Variants in TYW1B observed in about 807,000 individuals in gnomAD.
TYW1B encodes tRNA-yW synthesizing protein 1 homolog B, also known as S-adenosyl-L-methionine-dependent tRNA 4-demethylwyosine synthase TYW1B.
Under a neutral mutation model 86.9 loss-of-function variants are expected in TYW1B, and 73 were observed. That is an observed-to-expected ratio of 0.84 (90% CI 0.70 to 1.02). TYW1B has a LOEUF of 1.02. Among genes scored for constraint, TYW1B ranks in the 50% least tolerant of loss-of-function variants. The pLI is 0.00. For synonymous variants in TYW1B, 248 were observed against 292.8 expected (o/e 0.85, Z 1.56); for missense variants, 637 against 827.4 (o/e 0.77, Z 2.82).
At chr7:72,719,824 C>T (rs1402296191) in intron 9 of TYW1B, among the ~76,000 whole-genome samples, 2 of 152,000 alleles carry the variant, frequency 1.3e-5, no homozygotes, top group African/African-American at 2.4e-5. Context: ...AGGGCAAAGA[C>T]GGAAGAGCAT....
chr7:72,588,410 C>T (rs1435658058), intron 13 of TYW1B, among the ~76,000 whole-genome samples: 1 of 152,122 alleles, frequency 6.6e-6, no homozygotes, highest in Non-Finnish European at 1.5e-5. Flanking sequence ...CCACATGTAC[C>T]ACAGTCACTA....
chr7:72,700,923 C>T (rs1814450987), intron 10 of TYW1B, among the ~76,000 whole-genome samples: 1 of 151,972 alleles, frequency 6.6e-6, no homozygotes, highest in South Asian at 2.1e-4. Flanking sequence ...AAAAATTAGC[C>T]AGGAGTGCCA....
chr7:72,774,155 T>C (rs568326189), intron 7 of TYW1B, among the ~76,000 whole-genome samples: 38 of 148,942 alleles, frequency 2.6e-4, no homozygotes, highest in Non-Finnish European at 4.2e-4. Flanking sequence ...GGACTGGGGG[T>C]AATGCCTGAT....
chr7:72,711,042 C>G (rs1402998721), intron 10 of TYW1B, among the ~76,000 whole-genome samples: 1 of 152,084 alleles, frequency 6.6e-6, no homozygotes, highest in African/African-American at 2.4e-5. Flanking sequence ...CAGCCAGAAA[C>G]AGCAGACAGT....
In TYW1B at chr7:72,782,614, C is replaced by T. The variant is rs12533823; in HGVS notation, c.847-5081G>A. 6.7e-3 allele frequency among the ~76,000 whole-genome samples: 1,026 copies of T among 152,204 alleles called. 6 individuals are homozygous for T. Among genetic ancestry groups the T allele is most frequent in the Middle Eastern group, 0.014 (4 of 294 alleles). On this transcript the variant is annotated intron_variant, in intron 6 of 13. Transcript: ENST00000620995. Reference sequence around the variant, plus strand: ...TGACTAGGCCAGTTGTGGTGGCTCACGTCTGTAATCCTAGCACTTTGGGAG... The same window carrying T: ...TGACTAGGCCAGTTGTGGTGGCTCATGTCTGTAATCCTAGCACTTTGGGAG...
At chr7:72,693,681 T>C (rs1814230970) in intron 11 of TYW1B, among the ~76,000 whole-genome samples, 1 of 152,002 alleles carries the variant, frequency 6.6e-6, no homozygotes, top group South Asian at 2.1e-4. Context: ...AGGTGTGAGC[T>C]ACCACACCTG....
At chr7:72,585,373 C>T (rs1811249162) in intron 13 of TYW1B, among the ~76,000 whole-genome samples, 1 of 152,192 alleles carries the variant, frequency 6.6e-6, no homozygotes, top group South Asian at 2.1e-4. Context: ...ATCCCACAAG[C>T]TATTTATTAG....
intron 13 of TYW1B, among the ~76,000 whole-genome samples, chr7:72,598,449 A>G (rs1180957364): frequency 6.6e-6 from 1 of 152,196 alleles, no homozygotes; most frequent in African/African-American, 2.4e-5. Context: ...ATATTACACA[A>G]CAAAATCCAA....
At chr7:72,773,092 A>G (rs1436753947) in intron 7 of TYW1B, among the ~76,000 whole-genome samples, 4 of 152,186 alleles carry the variant, frequency 2.6e-5, no homozygotes, top group African/African-American at 9.6e-5. Flanking sequence ...TACTGTTCAT[A>G]CTATCATAGA....
intron 9 of TYW1B, among the ~76,000 whole-genome samples, chr7:72,721,623 T>G (rs1442952632): frequency 1.5e-4 from 23 of 150,910 alleles, no homozygotes; most frequent in African/African-American, 5.1e-4. Flanking sequence ...CACACACACA[T>G]GCACACACAC....
At chr7:72,629,882 G>T (rs1211315593) in intron 11 of TYW1B, among the ~76,000 whole-genome samples, 1 of 151,974 alleles carries the variant, frequency 6.6e-6, no homozygotes, top group Non-Finnish European at 1.5e-5. Context: ...AGGCATTAAA[G>T]CCTTTAAAAA....
intron 10 of TYW1B, among the ~76,000 whole-genome samples, chr7:72,712,114 T>C (rs1467062819): frequency 6.6e-6 from 1 of 152,030 alleles, no homozygotes; most frequent in Non-Finnish European, 1.5e-5. Context: ...TGATCATCCC[T>C]ATAAGGAGAG....
At chr7:72,630,408 G>C (rs1363161186) in intron 11 of TYW1B, among the ~76,000 whole-genome samples, 1 of 151,972 alleles carries the variant, frequency 6.6e-6, no homozygotes, top group African/African-American at 2.4e-5. Context: ...TGTGGTTCTA[G>C]GTACATGATT....
At chr7:72,680,922 C>A (rs2129569941) in intron 11 of TYW1B, among the ~76,000 whole-genome samples, 1 of 152,200 alleles carries the variant, frequency 6.6e-6, no homozygotes, top group African/African-American at 2.4e-5. Flanking sequence ...TGTATCTTTT[C>A]ATATGTATAA....
intron 11 of TYW1B, among the ~76,000 whole-genome samples, chr7:72,635,933 T>A (rs1812655987): frequency 6.6e-6 from 1 of 152,244 alleles, no homozygotes; most frequent in Non-Finnish European, 1.5e-5. Context: ...GTGTAGTCTT[T>A]GAATTCCAAT....
At chr7:72,619,220 C>T (rs542936416) in intron 12 of TYW1B, among the ~76,000 whole-genome samples, 83 of 152,308 alleles carry the variant, frequency 5.4e-4, no homozygotes, top group Non-Finnish European at 3.5e-4. Context: ...AATAAAAAAG[C>T]TTTCTTTTCC....
chr7:72,697,031 T>TAAA lies in TYW1B; in HGVS notation c.1371-2212_1371-2210dup, dbSNP rs781801843. Reference sequence around the variant, plus strand: ...ATGCTTCCTTAACTGGATTTCTACTTAAAAAAAAAAAAAAAAAAAAAAAAA... The same window carrying TAAA: ...ATGCTTCCTTAACTGGATTTCTACTTAAAAAAAAAAAAAAAAAAAAAAAAAAAA... On this transcript the variant is annotated intron_variant, in intron 10 of 13. Transcript: ENST00000620995. 2.4e-4 allele frequency among the ~76,000 whole-genome samples: 33 copies of TAAA among 137,952 alleles called. 1 individual carries two copies. The East Asian group carries it at 3.4e-3, about 14-fold the overall frequency. 90.5% of individuals were successfully genotyped at this position (137,952 alleles called of 152,430 possible). A position where few individuals can be genotyped will look rare whatever the true frequency, so the allele number is the denominator to read the frequency against.
chr7:72,630,069 A>G (rs1431946882), intron 11 of TYW1B, among the ~76,000 whole-genome samples: 3 of 152,060 alleles, frequency 2.0e-5, no homozygotes, highest in African/African-American at 7.2e-5. Flanking sequence ...ACCTGAGGTA[A>G]GGAGTTTGAG....
At chr7:72,576,702 C>T (rs556773868) in intron 13 of TYW1B, among the ~76,000 whole-genome samples, 16 of 152,068 alleles carry the variant, frequency 1.1e-4, no homozygotes, top group East Asian at 9.8e-4. Context: ...TTAGTAAAGA[C>T]GGGGTTTCAC....
Sources: allele counts gnomAD v4.1 joint callset (sites outside exome capture counted in the v4.1 genomes callset), GRCh38; gene constraint gnomAD v4.1.1; transcripts MANE v1.5; gene names NCBI Gene and HGNC (gene_info 2026-07-23, HGNC 2026-07-21).